Variants in ZCWPW1 observed in about 807,000 individuals in gnomAD.
ZCWPW1 encodes the protein zinc finger CW-type and PWWP domain containing 1, also known as zinc finger CW-type PWWP domain protein 1.
Under a neutral mutation model 81.3 loss-of-function variants are expected in ZCWPW1, and 56 were observed. That is an observed-to-expected ratio of 0.69 (90% CI 0.56 to 0.86). ZCWPW1 has a LOEUF of 0.86. Among genes scored for constraint, ZCWPW1 ranks in the 40% least tolerant of loss-of-function variants. ZCWPW1 has a pLI of 0.00. For synonymous variants in ZCWPW1, 250 were observed against 273.7 expected (o/e 0.91, Z 0.86); for missense variants, 650 against 769.8 (o/e 0.84, Z 1.84).
At chr7:100,406,835 C>T (rs1793111984) in intron 11 of ZCWPW1, 37 bp from the exon 12 acceptor site, 1 of 1,573,886 alleles carries the variant, frequency 6.4e-7, no homozygotes, top group South Asian at 1.1e-5. Context: ...GACTCCTGTC[C>T]TGCTCCCTGC....
chr7:100,414,157 A>G (rs1794734025), intron 8 of ZCWPW1, among the ~76,000 whole-genome samples: 1 of 152,200 alleles, frequency 6.6e-6, no homozygotes, highest in Non-Finnish European at 1.5e-5. Context: ...TTACTATGTC[A>G]TTATAACAAG....
At chr7:100,404,457 C>T (rs181721349) in intron 13 of ZCWPW1, among the ~76,000 whole-genome samples, 7 of 152,256 alleles carry the variant, frequency 4.6e-5, no homozygotes, top group Admixed American at 1.3e-4. Flanking sequence ...CCATCCCTGG[C>T]TCAAATGATC....
chr7:100,420,475 T>C (rs1449202309), intron 3 of ZCWPW1, 147 bp downstream of exon 3: 3 of 863,388 alleles, frequency 3.5e-6, no homozygotes, highest in Non-Finnish European at 5.5e-6. Context: ...GTCATATTTA[T>C]TTCACTCAAA....
At chr7:100,401,462 G>T in intron 17 of ZCWPW1, 126 bp from the exon 18 acceptor site, 2 of 905,436 alleles carry the variant, frequency 2.2e-6, no homozygotes, top group Non-Finnish European at 3.2e-6. Flanking sequence ...TCAATACAAA[G>T]AATATGGACT....
chr7:100,401,517 C>G (rs1053906760), intron 17 of ZCWPW1, among the ~76,000 whole-genome samples, 181 bp from the exon 18 acceptor site: 1 of 152,208 alleles, frequency 6.6e-6, no homozygotes, highest in African/African-American at 2.4e-5. Flanking sequence ...ATGCTAGTCA[C>G]CAGCCTTGAG....
At position 100,417,149 on chromosome 7, in the gene ZCWPW1, A is replaced by C. The variant is rs1199039331; in HGVS notation, c.396T>G (p.Ser132=). 1 of 1,614,092 alleles carries C rather than the reference A, an allele frequency of 6.2e-7. No individual in the cohort carries two copies. Among genetic ancestry groups the C allele is most frequent in the African/African-American group, 1.3e-5 (1 of 75,018 alleles). Residue 132 remains serine (S), a synonymous_variant, in exon 6 of 18, where the codon TCT becomes TCG. Coordinates refer to ENST00000684423, the MANE Select transcript of ZCWPW1 (RefSeq NM_001386010.1). ...GGGTAGATACTACGGGCTGGGCACA[A>C]GAAGTCTCTGCAAAATCAAGGCCAG... ...MGSGLDFAET[S]CAQPVVSTQS...
chr7:100,417,649 C>T (rs1017344799), intron 5 of ZCWPW1, among the ~76,000 whole-genome samples: 13 of 151,044 alleles, frequency 8.6e-5, no homozygotes, highest in Non-Finnish European at 1.8e-4. Context: ...ACCTGGGAGG[C>T]GGAAGTTGCA....
At chr7:100,417,045 G>T in intron 6 of ZCWPW1, 21 bp downstream of exon 6, 1 of 1,566,720 alleles carries the variant, frequency 6.4e-7, no homozygotes, top group Non-Finnish European at 8.8e-7. Flanking sequence ...TGTTCAACTT[G>T]CCTCACTGAA....
chr7:100,423,782 A>AAATTGGC (rs2130863984), intron 2 of ZCWPW1, among the ~76,000 whole-genome samples: 1 of 152,272 alleles, frequency 6.6e-6, no homozygotes, highest in South Asian at 2.1e-4. Context: ...TGAATGGATA[A>AAATTGGC]AATTGGCCAG....
chr7:100,414,916 T>C (rs900458838), intron 8 of ZCWPW1, among the ~76,000 whole-genome samples: 2 of 151,400 alleles, frequency 1.3e-5, no homozygotes, highest in Non-Finnish European at 2.9e-5. Context: ...TCCGAGCTAC[T>C]AGGGAGGTTG....
At chr7:100,403,042 T>C (rs1345645424) in intron 15 of ZCWPW1, among the ~76,000 whole-genome samples, 1 of 151,868 alleles carries the variant, frequency 6.6e-6, no homozygotes, top group African/African-American at 2.4e-5. Context: ...TTCCTAGAGA[T>C]GTGGGAAATT....
intron 10 of ZCWPW1, 30 bp downstream of exon 10, chr7:100,408,509 G>A (rs748172980): frequency 6.2e-7 from 1 of 1,604,042 alleles, no homozygotes; most frequent in Admixed American, 1.7e-5. Context: ...AGTTTGTGAA[G>A]GATGCTCTGA....
chr7:100,407,062 T>C (rs191329587), intron 11 of ZCWPW1, among the ~76,000 whole-genome samples, 166 bp downstream of exon 11: 1 of 152,344 alleles, frequency 6.6e-6, no homozygotes, highest in East Asian at 1.9e-4. Context: ...AGTTTGTTTC[T>C]ATTATATGTG....
At chr7:100,406,998 T>C (rs1273683638) in intron 11 of ZCWPW1, among the ~76,000 whole-genome samples, 200 bp from the exon 12 acceptor site, 1 of 152,254 alleles carries the variant, frequency 6.6e-6, no homozygotes, top group Non-Finnish European at 1.5e-5. Flanking sequence ...AGCCAAAGCG[T>C]ATTTATCAAA....
At chr7:100,406,587 G>T in intron 12 of ZCWPW1, 107 bp downstream of exon 12, 1 of 1,057,716 alleles carries the variant, frequency 9.5e-7, no homozygotes, top group Non-Finnish European at 1.4e-6. Context: ...CACCTGGTCA[G>T]ACACAGAACT....
intron 4 of ZCWPW1, 39 bp from the exon 5 acceptor site, chr7:100,419,228 T>C: frequency 6.4e-7 from 1 of 1,559,600 alleles, no homozygotes; most frequent in Non-Finnish European, 8.8e-7. Flanking sequence ...CCACTTATCT[T>C]TCCATAGTTT....
rs781024985 is a variant in ZCWPW1 at position 100,416,030 on chromosome 7, T to C, written c.699A>G (p.Thr233=). 2 of 1,614,190 alleles carry C rather than the reference T, an allele frequency of 1.2e-6. No individual in the cohort carries two copies. Among genetic ancestry groups the C allele is most frequent in the Non-Finnish European group, 1.7e-6 (2 of 1,180,044 alleles). ...EHRQEDRLKK[T]VQDHSQIRDQ... ...CCCTGATCTGAGAATGATCCTGAAC[T>C]GTTTTCTTTAGTCGGTCTTCCTGTC... The change falls in exon 8 of 18, where the codon ACA becomes ACG. Residue 233 remains threonine, a synonymous_variant. Transcript: ENST00000684423.
chr7:100,406,924 A>T, intron 11 of ZCWPW1, 126 bp from the exon 12 acceptor site: 1 of 800,416 alleles, frequency 1.2e-6, no homozygotes. Flanking sequence ...TACTCCTTTC[A>T]AAGCCTGACT....
At chr7:100,402,259 C>G in intron 16 of ZCWPW1, 1 of 806,318 alleles carries the variant, frequency 1.2e-6, no homozygotes, top group South Asian at 1.4e-5. Flanking sequence ...CAGTTCTCCT[C>G]AGAGTCTACC....
Sources: gnomAD v4.1 joint callset for allele counts (sites outside exome capture counted in the v4.1 genomes callset) on GRCh38, gnomAD v4.1.1 for gene constraint, MANE v1.5 for transcripts, NCBI Gene and HGNC (gene_info 2026-07-23, HGNC 2026-07-21) for gene names.